The following DERL3 variants were observed in gnomAD, a reference collection of about 807,000 sequenced individuals.
DERL3 encodes the protein derlin 3.
DERL3 carries 20 observed loss-of-function variants against 23.8 expected under a neutral mutation model. The ratio of observed to expected loss-of-function variants is 0.84; its 90% confidence interval spans 0.59 to 1.22. DERL3 has a LOEUF of 1.22. DERL3 is among the 50% of genes most tolerant of loss of function. The pLI is 0.00. For missense variants in DERL3, 319 were observed against 304.1 expected (o/e 1.05, Z -0.36); for synonymous variants, 145 against 132.5 (o/e 1.09, Z -0.65).
chr22:23,837,867 C>G lies in DERL3; in HGVS notation c.328-13G>C, dbSNP rs1467046182. 4.4e-6 allele frequency: 7 copies of G among 1,607,020 alleles called. No individual in the cohort carries two copies. Among genetic ancestry groups the G allele is most frequent in the Non-Finnish European group, 6.0e-6 (7 of 1,175,984 alleles). On this transcript the variant is annotated splice_polypyrimidine_tract_variant and intron_variant, in intron 4 of 6. Transcript: ENST00000318109. ...GGAGTCCCAGCAGCTGGGCCAGAGT[C>G]AAGGTGCTCCGGTGCAGGCCTCAGC...
intron 4 of DERL3, 94 bp downstream of exon 4, chr22:23,838,258 C>T: frequency 6.4e-7 from 1 of 1,551,656 alleles, no homozygotes; most frequent in African/African-American, 1.4e-5. Context: ...GCGACTGTGT[C>T]CCTCTCTGGC....
rs1263839576 is a variant in DERL3 at position 23,836,736 on chromosome 22, C to T, written c.*133G>A. The T allele has an allele frequency of 5.9e-6, 8 of 1,366,886 alleles. No homozygotes were observed. The highest frequency in any genetic ancestry group is 2.9e-5 in the East Asian group (1 of 34,420). The allele number at this position is 1,366,886 out of a possible 1,614,324, so 84.7% of individuals were successfully genotyped here. A position where few individuals can be genotyped will look rare whatever the true frequency, so the allele number is the denominator to read the frequency against. ...GCCAGTGCTGTGGGCCAAGAGACTGCAGCTCATTCTGTTTATTCAGGTGGG... is the reference window on the plus strand; with the variant it reads ...GCCAGTGCTGTGGGCCAAGAGACTGTAGCTCATTCTGTTTATTCAGGTGGG... On this transcript the variant is annotated 3_prime_UTR_variant, in exon 7 of 7. Transcript: ENST00000318109.
intron 5 of DERL3, 103 bp from the exon 6 acceptor site, chr22:23,837,257 G>T: frequency 7.0e-7 from 1 of 1,425,328 alleles, no homozygotes. Context: ...GGCCCTGCAG[G>T]CCCCACAGCA....
Position 23,834,527 on chromosome 22 carries a change from TC to T in DERL3, c.*2341del. The T allele has an allele frequency of 1.4e-6, 1 of 698,110 alleles. No homozygotes were observed. The highest frequency in any genetic ancestry group is 2.6e-6 in the Non-Finnish European group (1 of 383,028). 43.2% of individuals were successfully genotyped at this position (698,110 alleles called of 1,614,324 possible). A position where few individuals can be genotyped will look rare whatever the true frequency, so the allele number is the denominator to read the frequency against. The stretch of plus-strand genomic sequence containing the variant: ...GTTCAATTTCTTCAACAGGTCATGT[TC>T]AATTTCTTCAAAGTTTTAACATAAA... On this transcript the variant is annotated 3_prime_UTR_variant, in exon 7 of 7. Coordinates refer to ENST00000318109, the MANE Select transcript of DERL3 (RefSeq NM_001002862.3).
chr22:23,838,534 C>A (rs2031297414), intron 3 of DERL3, 30 bp downstream of exon 3: 1 of 1,576,290 alleles, frequency 6.3e-7, no homozygotes, highest in African/African-American at 1.4e-5. Flanking sequence ...CTGCCCTCCA[C>A]CCAGCCCGTG....
Position 23,836,602 on chromosome 22 carries a change from C to T in DERL3, c.*267G>A, listed in dbSNP as rs2146057984. Reference sequence around the variant, plus strand: ...TCTGCCAGGCAACCATGGGCAGTTTCTTTGCCCTCTGTGGGCACCCCTATC... The same window carrying T: ...TCTGCCAGGCAACCATGGGCAGTTTTTTTGCCCTCTGTGGGCACCCCTATC... On this transcript the variant is annotated 3_prime_UTR_variant, in exon 7 of 7. Coordinates refer to ENST00000318109, the MANE Select transcript of DERL3 (RefSeq NM_001002862.3). The T allele has an allele frequency of 8.4e-7, 1 of 1,191,746 alleles. No homozygotes were observed. Among genetic ancestry groups the T allele is most frequent in the East Asian group, 3.8e-5 (1 of 26,344 alleles). The allele number at this position is 1,191,746 out of a possible 1,614,324, so 73.8% of individuals were successfully genotyped here. A position where few individuals can be genotyped will look rare whatever the true frequency, so the allele number is the denominator to read the frequency against.
intron 5 of DERL3, 74 bp downstream of exon 5, chr22:23,837,585 G>T (rs983273155): frequency 2.0e-6 from 3 of 1,495,228 alleles, no homozygotes; most frequent in Non-Finnish European, 2.7e-6. Context: ...TGGGAGAGGG[G>T]CCCCAGGGCA....
At position 23,835,088 on chromosome 22, in the gene DERL3, A is replaced by T; in HGVS notation, c.*1781T>A. ...GGCCTGGGCCAGCTCCTGCCTTACA[A>T]GCCAGCTGTGAGGAATATGGGAATA... On this transcript the variant is annotated 3_prime_UTR_variant, in exon 7 of 7. Coordinates refer to ENST00000318109, the MANE Select transcript of DERL3 (RefSeq NM_001002862.3). The T allele has an allele frequency of 4.3e-6, 6 of 1,395,716 alleles. No homozygotes were observed. The highest frequency in any genetic ancestry group is 5.6e-6 in the Non-Finnish European group (6 of 1,077,892). 86.5% of individuals were successfully genotyped at this position (1,395,716 alleles called of 1,614,324 possible).
Position 23,834,856 on chromosome 22 carries a change from TCCCTGGGCCG to T in DERL3, c.*2003_*2012del. ...GAAGGTGCCGCGAGCTCTCCTGCCG[TCCCTGGGCCG>T]CCCTGGCTCTGCTGTGTCCAGATGG... On this transcript the variant is annotated 3_prime_UTR_variant, in exon 7 of 7. Coordinates refer to ENST00000318109, the MANE Select transcript of DERL3 (RefSeq NM_001002862.3). 6.2e-7 allele frequency: 1 copy of T among 1,612,564 alleles called. No individual in the cohort carries two copies. The highest frequency in any genetic ancestry group is 8.5e-7 in the Non-Finnish European group (1 of 1,179,752).
chr22:23,838,052 C>G, intron 4 of DERL3, 198 bp from the exon 5 acceptor site: 1 of 1,428,478 alleles, frequency 7.0e-7, no homozygotes, highest in Non-Finnish European at 9.3e-7. Context: ...ACAGCCTCAT[C>G]CCAGGGCCCA....
In DERL3 at chr22:23,836,288, G is replaced by A. The variant is rs2031040077; in HGVS notation, c.*581C>T. 1 of 985,352 alleles carries A rather than the reference G, an allele frequency of 1.0e-6. No individual in the cohort carries two copies. The highest frequency in any genetic ancestry group is 6.2e-5 in the Admixed American group (1 of 16,258). 61.0% of individuals were successfully genotyped at this position (985,352 alleles called of 1,614,324 possible). ...TTGGCATCACCAGATGAAAAATGAG[G>A]CATACGCCCACCTGTCAGGGTGGCT... is the stretch of plus-strand genomic sequence containing the variant. On this transcript the variant is annotated 3_prime_UTR_variant, in exon 7 of 7. Transcript: ENST00000318109.
rs2030891272 is a variant in DERL3, at chr22:23,834,647, G to C, written c.*2222C>G. ...ACAGGCCTCACCCTCCTCTGCCTCA[G>C]ATTCCCAAGTGGGCAGGTGGGGGTG... On this transcript the variant is annotated 3_prime_UTR_variant, in exon 7 of 7. Coordinates refer to ENST00000318109, the MANE Select transcript of DERL3 (RefSeq NM_001002862.3). 3.3e-6 allele frequency: 3 copies of C among 910,416 alleles called. No individual in the cohort carries two copies. The highest frequency in any genetic ancestry group is 1.7e-5 in the African/African-American group (1 of 60,196). 56.4% of individuals were successfully genotyped at this position (910,416 alleles called of 1,614,324 possible). A position where few individuals can be genotyped will look rare whatever the true frequency, so the allele number is the denominator to read the frequency against.
Position 23,835,738 on chromosome 22 carries a change from C to T in DERL3, c.*1131G>A. 2.0e-6 allele frequency: 2 copies of T among 985,464 alleles called. No individual in the cohort carries two copies. Among genetic ancestry groups the T allele is most frequent in the Non-Finnish European group, 2.4e-6 (2 of 829,936 alleles). 61.0% of individuals were successfully genotyped at this position (985,464 alleles called of 1,614,324 possible). Reference sequence around the variant, plus strand: ...TTTGTTCTGTCCATGAGGTAGGAACCTCGGCAATGAAAGGGTGAGGCAGCC... The same window carrying T: ...TTTGTTCTGTCCATGAGGTAGGAACTTCGGCAATGAAAGGGTGAGGCAGCC... On this transcript the variant is annotated 3_prime_UTR_variant, in exon 7 of 7. Transcript: ENST00000318109.
At position 23,836,578 on chromosome 22, in the gene DERL3, C is replaced by A. The variant is rs1412819792; in HGVS notation, c.*291G>T. On this transcript the variant is annotated 3_prime_UTR_variant, in exon 7 of 7. Coordinates refer to ENST00000318109, the MANE Select transcript of DERL3 (RefSeq NM_001002862.3). ...CCTGGCAACCTGTGAGCTCAAAGCT[C>A]TGCCAGGCAACCATGGGCAGTTTCT... 8.8e-7 allele frequency: 1 copy of A among 1,139,296 alleles called. No individual in the cohort carries two copies. Among genetic ancestry groups the A allele is most frequent in the Admixed American group, 4.9e-5 (1 of 20,456 alleles). 70.6% of individuals were successfully genotyped at this position (1,139,296 alleles called of 1,614,324 possible).
Position 23,835,698 on chromosome 22 carries a change from T to G in DERL3, c.*1171A>C. On this transcript the variant is annotated 3_prime_UTR_variant, in exon 7 of 7. Transcript: ENST00000318109. ...CAGCTGCTCTTAGACATGAACAGGTTTCATTGCTGAGGTGTTTGTTCTGTC... is the reference window on the plus strand; with the variant it reads ...CAGCTGCTCTTAGACATGAACAGGTGTCATTGCTGAGGTGTTTGTTCTGTC... 1.0e-6 allele frequency: 1 copy of G among 985,526 alleles called. No homozygotes were observed. The allele number at this position is 985,526 out of a possible 1,614,324, so 61.0% of individuals were successfully genotyped here.
chr22:23,837,124 A>C lies in DERL3; in HGVS notation c.554T>G (p.Leu185Arg), dbSNP rs755702007. 1 of 1,613,972 alleles carries C rather than the reference A, an allele frequency of 6.2e-7. No individual in the cohort carries two copies. Among genetic ancestry groups the C allele is most frequent in the Non-Finnish European group, 8.5e-7 (1 of 1,179,918 alleles). ...GIAVGHIYYFLEDVFPNQPGG... is the reference protein window; with the variant it reads ...GIAVGHIYYFREDVFPNQPGG... ...AGGCTGGTTGGGGAAGACGTCCTCCAGGAAGTAGTAGATATGGCCCACCGC... is the reference window on the plus strand; with the variant it reads ...AGGCTGGTTGGGGAAGACGTCCTCCCGGAAGTAGTAGATATGGCCCACCGC... Residue 185 changes from leucine to arginine, a missense_variant, in exon 6 of 7, where the codon CTG (leucine) becomes CGG (arginine). By Grantham distance (102) the Leu-to-Arg change is moderately radical. Coordinates refer to ENST00000318109, the MANE Select transcript of DERL3 (RefSeq NM_001002862.3).
Position 23,837,753 on chromosome 22 carries a change from G to A in DERL3, c.429C>T (p.Phe143=), listed in dbSNP as rs376885818. 2.0e-5 allele frequency: 33 copies of A among 1,613,932 alleles called. 1 individual carries two copies. In the Middle Eastern group the frequency reaches 1.8e-3, roughly 88 times the overall value. Reference sequence around the variant, plus strand: ...GTGCCTGGAAAGTGAGCAGGCCGAAGAAGTTGACCCTCACCCGAGGGCTGC... The same window carrying A: ...GTGCCTGGAAAGTGAGCAGGCCGAAAAAGTTGACCCTCACCCGAGGGCTGC... ...SRRSPRVRVN[F]FGLLTFQAPF... Residue 143 remains phenylalanine, a synonymous_variant, in exon 5 of 7, where the codon TTC becomes TTT. Transcript: ENST00000318109.
chr22:23,837,736 A>C lies in DERL3; in HGVS notation c.446T>G (p.Phe149Cys). The C allele has an allele frequency of 1.2e-6, 2 of 1,614,020 alleles. No individual in the cohort carries two copies. The highest frequency in any genetic ancestry group is 1.7e-6 in the Non-Finnish European group (2 of 1,179,996). The change falls in exon 5 of 7, where the codon TTC (phenylalanine) becomes TGC (cysteine). Residue 149 changes from phenylalanine to cysteine, a missense_variant. By Grantham distance (205) the Phe-to-Cys change is radical. Coordinates refer to ENST00000318109, the MANE Select transcript of DERL3 (RefSeq NM_001002862.3). ...VRVNFFGLLT[F>C]QAPFLPWALM... Reference sequence around the variant, plus strand: ...CGCCCAAGGCAGGAACGGTGCCTGGAAAGTGAGCAGGCCGAAGAAGTTGAC... The same window carrying C: ...CGCCCAAGGCAGGAACGGTGCCTGGCAAGTGAGCAGGCCGAAGAAGTTGAC...
In DERL3 at chr22:23,834,549, A is replaced by AT. The variant is rs1218467567; in HGVS notation, c.*2319dup. ...TGTTCAATTTCTTCAAAGTTTTAAC[A>AT]TAAAAATAATGAGAGCCAGGAGTGG... On this transcript the variant is annotated 3_prime_UTR_variant, in exon 7 of 7. Coordinates refer to ENST00000318109, the MANE Select transcript of DERL3 (RefSeq NM_001002862.3). 7 of 664,550 alleles carry AT rather than the reference A, an allele frequency of 1.1e-5. No homozygotes were observed. Among genetic ancestry groups the AT allele is most frequent in the Middle Eastern group, 4.9e-4 (2 of 4,072 alleles). The allele number at this position is 664,550 out of a possible 1,614,324, so 41.2% of individuals were successfully genotyped here.
Sources: gnomAD v4.1 joint callset for allele counts on GRCh38, gnomAD v4.1.1 for gene constraint, MANE v1.5 for transcripts, NCBI Gene and HGNC (gene_info 2026-07-23, HGNC 2026-07-21) for gene names.